Variants in SH3PXD2A observed in about 807,000 individuals in gnomAD.
SH3PXD2A encodes SH3 and PX domains 2A.
SH3PXD2A carries 32 observed loss-of-function variants against 115.2 expected under a neutral mutation model. The ratio of observed to expected loss-of-function variants is 0.28; its 90% confidence interval spans 0.21 to 0.37. The LOEUF is 0.37. SH3PXD2A is among the 10% of genes least tolerant of loss of function. The pLI is 1.00. For synonymous variants in SH3PXD2A, 610 were observed against 629.1 expected (o/e 0.97, Z 0.45); for missense variants, 1,328 against 1,498.7 (o/e 0.89, Z 1.88).
chr10:103,736,658 C>T (rs976363786), intron 3 of SH3PXD2A: 1 of 762,718 alleles, frequency 1.3e-6, no homozygotes, highest in East Asian at 6.4e-5. Context: ...AGTAATGTCC[C>T]TCTTTCCAGA....
At position 103,661,707 on chromosome 10, in the gene SH3PXD2A, C is replaced by T. The variant is rs576708017; in HGVS notation, c.473-593G>A. ...GAGAGAGCGGGAGAGAGCTTCTCCACGGCCCAGGCCCAGGCGAGGAGTCAA... is the reference window on the plus strand; with the variant it reads ...GAGAGAGCGGGAGAGAGCTTCTCCATGGCCCAGGCCCAGGCGAGGAGTCAA... On this transcript the variant is annotated intron_variant, in intron 7 of 14. Transcript: ENST00000369774. 3.5e-5 allele frequency: 34 copies of T among 985,328 alleles called. 1 individual carries two copies. Among genetic ancestry groups the T allele is most frequent in the East Asian group, 1.1e-4 (1 of 8,776 alleles). 61.0% of individuals were successfully genotyped at this position (985,328 alleles called of 1,614,324 possible).
rs71476608 is a variant in SH3PXD2A at position 103,810,952 on chromosome 10, G to GCACACACACA, written c.73-9600_73-9591dup. ...CACACATGGACACAGGCGCGCGCGC[G>GCACACACACA]CACACACACACACACACACACACAC... On this transcript the variant is annotated intron_variant, in intron 1 of 14. Coordinates refer to ENST00000369774, the MANE Select transcript of SH3PXD2A (RefSeq NM_001394015.1). Among the ~76,000 whole-genome samples the GCACACACACA allele has an allele frequency of 2.4e-3, 48 of 19,942 alleles. 1 individual carries two copies. The highest frequency in any genetic ancestry group is 5.6e-3 in the Non-Finnish European group (21 of 3,772). 13.1% of individuals were successfully genotyped at this position (19,942 alleles called of 152,430 possible). A position where few individuals can be genotyped will look rare whatever the true frequency, so the allele number is the denominator to read the frequency against.
chr10:103,804,934 G>A (rs2039186257), intron 1 of SH3PXD2A, among the ~76,000 whole-genome samples: 1 of 152,082 alleles, frequency 6.6e-6, no homozygotes, highest in Non-Finnish European at 1.5e-5. Context: ...CACAGGCCCT[G>A]GGGCAGGAGC....
chr10:103,843,318 C>A (rs1483723491), intron 1 of SH3PXD2A, among the ~76,000 whole-genome samples: 2 of 152,194 alleles, frequency 1.3e-5, no homozygotes, highest in Non-Finnish European at 2.9e-5. Flanking sequence ...GCACCCAAGT[C>A]CCTCTCTTAG....
At chr10:103,674,745 G>C (rs1406709438) in intron 6 of SH3PXD2A, among the ~76,000 whole-genome samples, 1 of 152,114 alleles carries the variant, frequency 6.6e-6, no homozygotes, top group African/African-American at 2.4e-5. Flanking sequence ...GCTTGAACCT[G>C]GGAAGTGGAG....
chr10:103,634,372 G>A (rs558136605), intron 8 of SH3PXD2A, among the ~76,000 whole-genome samples: 2 of 152,378 alleles, frequency 1.3e-5, no homozygotes, highest in South Asian at 2.1e-4. Flanking sequence ...GCTGAACACT[G>A]AGCAGGGCGG....
intron 5 of SH3PXD2A, among the ~76,000 whole-genome samples, chr10:103,715,462 G>A (rs954448405): frequency 1.3e-5 from 2 of 152,212 alleles, no homozygotes; most frequent in Non-Finnish European, 2.9e-5. Context: ...AGAGTGAAGG[G>A]AGGCTGCTGT....
chr10:103,780,781 G>A (rs1239857674), intron 2 of SH3PXD2A, among the ~76,000 whole-genome samples: 1 of 152,224 alleles, frequency 6.6e-6, no homozygotes, highest in Non-Finnish European at 1.5e-5. Flanking sequence ...AAACCTCTCT[G>A]CAGGTCCAGG....
At chr10:103,617,358 G>A (rs755282440) in intron 10 of SH3PXD2A, 44 bp from the exon 11 acceptor site, 1 of 1,377,620 alleles carries the variant, frequency 7.3e-7, no homozygotes, top group Non-Finnish European at 1.0e-6. Context: ...AGGTCGGGGT[G>A]CAGGTCCTGC....
intron 5 of SH3PXD2A, among the ~76,000 whole-genome samples, chr10:103,701,548 C>T (rs1487412856): frequency 6.8e-6 from 1 of 147,086 alleles, no homozygotes; most frequent in Non-Finnish European, 1.5e-5. Context: ...CATCCATCCA[C>T]TACCCATCCA....
In SH3PXD2A at chr10:103,693,035, C is replaced by A; in HGVS notation, c.420G>T (p.Arg140Ser). The change falls in exon 6 of 15, where the codon AGG becomes AGT. Residue 140 changes from arginine to serine, a missense_variant. By Grantham distance (110) the Arg-to-Ser change is moderately radical. This residue lies in a region of SH3PXD2A where 90 missense variants were observed against 71.1 expected (regional missense o/e 1.27). Coordinates refer to ENST00000369774, the MANE Select transcript of SH3PXD2A (RefSeq NM_001394015.1). The stretch of plus-strand genomic sequence containing the variant: ...GCCCGGAGGCTCCCTTACCTGATTT[C>A]CTCTTGGAACTGCCATAGTCCCTGA... The part of the protein sequence containing the change: ...PPKEDYGSSK[R>S]KSVWLSSWAE... 1 of 1,611,942 alleles carries A rather than the reference C, an allele frequency of 6.2e-7. No homozygotes were observed.
rs550788182 is a variant in SH3PXD2A, at chr10:103,664,834, AT to A, written c.473-3721del. 3.8e-3 allele frequency among the ~76,000 whole-genome samples: 564 copies of A among 150,248 alleles called. 7 individuals carry two copies. The highest frequency in any genetic ancestry group is 0.013 in the African/African-American group (534 of 40,226). On this transcript the variant is annotated intron_variant, in intron 7 of 14. Transcript: ENST00000369774. Reference sequence around the variant, plus strand: ...GGTGCCCACCACCATACCTGGCTAAATTTTTTTTTGTATTTTTTAGTAGAGA... The same window carrying A: ...GGTGCCCACCACCATACCTGGCTAAATTTTTTTTGTATTTTTTAGTAGAGA...
intron 3 of SH3PXD2A, among the ~76,000 whole-genome samples, chr10:103,748,756 C>T (rs999162922): frequency 1.3e-5 from 2 of 152,070 alleles, no homozygotes; most frequent in Non-Finnish European, 2.9e-5. Flanking sequence ...TGCATCAGGA[C>T]GCATGCTGGG....
chr10:103,833,963 G>C (rs147580715), intron 1 of SH3PXD2A, among the ~76,000 whole-genome samples: 2 of 152,106 alleles, frequency 1.3e-5, no homozygotes, highest in African/African-American at 2.4e-5. Context: ...CTCCCGGAAA[G>C]AGAGTCCCTG....
intron 2 of SH3PXD2A, among the ~76,000 whole-genome samples, chr10:103,796,649 G>C (rs75145620): frequency 0.12 from 18,880 of 152,040 alleles, 1,600 homozygotes; most frequent in Non-Finnish European, 0.18. Flanking sequence ...CTGCTGCCTG[G>C]GGGGCCTCAG....
At chr10:103,636,782 C>T (rs2036873185) in intron 8 of SH3PXD2A, among the ~76,000 whole-genome samples, 1 of 152,150 alleles carries the variant, frequency 6.6e-6, no homozygotes, top group African/African-American at 2.4e-5. Context: ...CCTTCCTCTC[C>T]CTCTGAAATC....
At chr10:103,636,153 A>C (rs1184315315) in intron 8 of SH3PXD2A, among the ~76,000 whole-genome samples, 2 of 152,176 alleles carry the variant, frequency 1.3e-5, no homozygotes, top group Non-Finnish European at 2.9e-5. Context: ...TCAGGCCTGT[A>C]ATCCCAGCAC....
chr10:103,725,604 A>G (rs373151303), intron 4 of SH3PXD2A, among the ~76,000 whole-genome samples: 38 of 152,282 alleles, frequency 2.5e-4, no homozygotes, highest in African/African-American at 8.9e-4. Context: ...AGGTGGGCAG[A>G]TCACTTGAGG....
At position 103,808,867 on chromosome 10, in the gene SH3PXD2A, TGA is replaced by T. The variant is rs2039235158; in HGVS notation, c.73-7507_73-7506del. Among the ~76,000 whole-genome samples the T allele has an allele frequency of 5.9e-5, 9 of 152,262 alleles. No individual in the cohort carries two copies. The South Asian group carries it at 1.9e-3, about 32-fold the overall frequency. On this transcript the variant is annotated intron_variant, in intron 1 of 14. Coordinates refer to ENST00000369774, the MANE Select transcript of SH3PXD2A (RefSeq NM_001394015.1). ...AGGCCTGCCAGTCTGCTGGACACAC[TGA>T]GATAATGACTGGCTGATCTAATGCC...
Sources: gnomAD v4.1 joint callset for allele counts (sites outside exome capture counted in the v4.1 genomes callset) on GRCh38, gnomAD v4.1.1 for gene constraint, gnomAD v4.1.1 regional missense constraint, MANE v1.5 for transcripts, NCBI Gene and HGNC (gene_info 2026-07-23, HGNC 2026-07-21) for gene names.